Variants in GOLGA4 observed in about 807,000 individuals in gnomAD.
GOLGA4 encodes golgin A4.
GOLGA4 carries 169 observed loss-of-function variants against 265.9 expected under a neutral mutation model. The observed-to-expected ratio is 0.64, with a 90% CI of 0.56 to 0.72. The LOEUF is 0.72. Among genes scored for constraint, GOLGA4 ranks in the 30% least tolerant of loss-of-function variants. The probability of loss-of-function intolerance (pLI) is 0.00; values close to 1 mark genes in which losing one functional copy is unlikely to be tolerated. For missense variants in GOLGA4, 2,482 were observed against 2,483.4 expected, an observed-to-expected ratio of 1.00 and a Z score of 0.01; for synonymous variants, 923 against 855.8, an observed-to-expected ratio of 1.08 and a Z score of -1.37.
chr3:37,266,287 C>T (rs946417112), intron 2 of GOLGA4, among the ~76,000 whole-genome samples: 7 of 152,072 alleles, frequency 4.6e-5, no homozygotes, highest in Non-Finnish European at 1.0e-4. Flanking sequence ...GCAACCTCCG[C>T]CTCCCAGGTT....
At chr3:37,291,272 GT>G (rs552675722) in intron 5 of GOLGA4, among the ~76,000 whole-genome samples, 1 of 150,802 alleles carries the variant, frequency 6.6e-6, no homozygotes, top group African/African-American at 2.4e-5. Context: ...AGGAATACCT[GT>G]TTTTTTTTCC....
chr3:37,357,682 T>G (rs12715296), intron 22 of GOLGA4, among the ~76,000 whole-genome samples: 65,984 of 151,984 alleles, frequency 0.43, 14,984 homozygotes, highest in African/African-American at 0.5. Flanking sequence ...GTCAGAGATT[T>G]CCATCATTCA....
In GOLGA4 at chr3:37,282,099, C is replaced by G; in HGVS notation, c.304C>G (p.Leu102Val). Residue 102 changes from leucine (L) to valine (V), a missense_variant, in exon 3 of 24, where the codon CTG becomes GTG. Transcript: ENST00000361924. ...SLVRTSSRESLNRLDLDSSTA... is the reference protein window; with the variant it reads ...SLVRTSSRESVNRLDLDSSTA... ...GGTACGAACATCTTCCAGAGAATCC[C>G]TGAATCGACTTGACCTGGACAGTTC... is the stretch of plus-strand genomic sequence containing the variant. The G allele has an allele frequency of 6.2e-7, 1 of 1,614,178 alleles. No homozygotes were observed. Among genetic ancestry groups the G allele is most frequent in the Non-Finnish European group, 8.5e-7 (1 of 1,180,012 alleles).
At chr3:37,336,576 C>G (rs973914123) in intron 17 of GOLGA4, among the ~76,000 whole-genome samples, 1 of 148,900 alleles carries the variant, frequency 6.7e-6, no homozygotes, top group Admixed American at 6.7e-5. Flanking sequence ...GCCTGACCAA[C>G]ATGGAGAAAC....
intron 10 of GOLGA4, among the ~76,000 whole-genome samples, chr3:37,306,028 T>C (rs34123230): frequency 1.3e-5 from 2 of 152,244 alleles, no homozygotes; most frequent in African/African-American, 4.8e-5. Context: ...AGAATGATTG[T>C]TTATTTTCTT....
chr3:37,322,246 A>C (rs956008006), intron 13 of GOLGA4, among the ~76,000 whole-genome samples: 1 of 152,110 alleles, frequency 6.6e-6, no homozygotes, highest in Non-Finnish European at 1.5e-5. Context: ...GGTTTATCTT[A>C]TGCCATGTCC....
rs372018932 is a variant in GOLGA4, at chr3:37,289,288, A to G, written c.579A>G (p.Arg193=). 5 of 1,560,202 alleles carry G rather than the reference A, an allele frequency of 3.2e-6. No individual in the cohort carries two copies. In the South Asian group the frequency reaches 5.6e-5, roughly 18 times the overall value. ...CACTTCGGAGAATAGCAGAATTAAG[A>G]GAGGTAAGTTTCAGTGATGAGTACT... ...DKSLRRIAEL[R]EELQMDQQAK... Residue 193 remains arginine (R), a synonymous_variant, in exon 5 of 24, where the codon AGA becomes AGG. Coordinates refer to ENST00000361924, the MANE Select transcript of GOLGA4 (RefSeq NM_002078.5).
chr3:37,255,871 G>A (rs1368011517), intron 2 of GOLGA4, among the ~76,000 whole-genome samples: 2 of 151,840 alleles, frequency 1.3e-5, no homozygotes, highest in South Asian at 4.2e-4. Context: ...ATCCACCTTG[G>A]CCTCGTAAAG....
chr3:37,326,913 A>G lies in GOLGA4; in HGVS notation c.5027A>G (p.Glu1676Gly). 1 of 1,613,856 alleles carries G rather than the reference A, an allele frequency of 6.2e-7. No homozygotes were observed. Among genetic ancestry groups the G allele is most frequent in the Non-Finnish European group, 8.5e-7 (1 of 1,179,760 alleles). ...AAAGGTACAGAAAGCCATTTGAGTG[A>G]GCTAAATACAAAATTGCAGGAAAGA... ...YKKGTESHLS[E>G]LNTKLQERER... Residue 1676 changes from glutamate to glycine, a missense_variant, in exon 14 of 24, where the codon GAG (glutamate) becomes GGG (glycine). Glu to Gly is a moderately conservative substitution (Grantham distance 98). This residue lies in a region of GOLGA4 where 942 missense variants were observed against 983.1 expected (regional missense o/e 0.96). Transcript: ENST00000361924.
intron 3 of GOLGA4, among the ~76,000 whole-genome samples, chr3:37,285,622 A>G (rs77481778): frequency 0.038 from 5,847 of 152,258 alleles, 142 homozygotes; most frequent in African/African-American, 0.056. Flanking sequence ...CAAGTCTCAA[A>G]TTCAGTTAGA....
chr3:37,366,370 C>T lies in GOLGA4; in HGVS notation c.*324C>T, dbSNP rs1279106690. Reference sequence around the variant, plus strand: ...CTGCTTTATGGGCTTACATAATATTCCTTTCATCCATTCTTTTTAAAGAAC... The same window carrying T: ...CTGCTTTATGGGCTTACATAATATTTCTTTCATCCATTCTTTTTAAAGAAC... On this transcript the variant is annotated 3_prime_UTR_variant, in exon 24 of 24. Coordinates refer to ENST00000361924, the MANE Select transcript of GOLGA4 (RefSeq NM_002078.5). 1.9e-5 allele frequency: 7 copies of T among 371,672 alleles called. No individual in the cohort carries two copies. The highest frequency in any genetic ancestry group is 2.9e-5 in the Non-Finnish European group (6 of 209,886). 23.0% of individuals were successfully genotyped at this position (371,672 alleles called of 1,614,324 possible). A position where few individuals can be genotyped will look rare whatever the true frequency, so the allele number is the denominator to read the frequency against.
intron 23 of GOLGA4, among the ~76,000 whole-genome samples, chr3:37,361,728 G>A (rs1696287484): frequency 6.6e-6 from 1 of 152,136 alleles, no homozygotes; most frequent in African/African-American, 2.4e-5. Context: ...ATCCTGTAAA[G>A]CCTGAGTCAA....
At chr3:37,347,898 A>G (rs2097061025) in intron 21 of GOLGA4, among the ~76,000 whole-genome samples, 1 of 152,178 alleles carries the variant, frequency 6.6e-6, no homozygotes, top group Non-Finnish European at 1.5e-5. Flanking sequence ...AAAGAGCCTT[A>G]TTGGACATTT....
chr3:37,330,082 T>A (rs578118247), intron 16 of GOLGA4, among the ~76,000 whole-genome samples: 1 of 152,104 alleles, frequency 6.6e-6, no homozygotes, highest in Non-Finnish European at 1.5e-5. Flanking sequence ...TTAAATAATT[T>A]CACATTTTCT....
At chr3:37,253,747 G>A (rs970240048) in intron 2 of GOLGA4, among the ~76,000 whole-genome samples, 2 of 152,014 alleles carry the variant, frequency 1.3e-5, no homozygotes, top group African/African-American at 4.8e-5. Flanking sequence ...AGTCAGCCGG[G>A]CATGGTGGCT....
chr3:37,284,664 CTTT>C (rs75537927), intron 3 of GOLGA4, among the ~76,000 whole-genome samples: 7 of 133,494 alleles, frequency 5.2e-5, no homozygotes, highest in Admixed American at 7.5e-5. Flanking sequence ...TCCATTGCTG[CTTT>C]TTTTTTTTTT....
chr3:37,264,688 A>G lies in GOLGA4; in HGVS notation c.162+13204A>G, dbSNP rs143026718. 9.7e-3 allele frequency among the ~76,000 whole-genome samples: 1,479 copies of G among 152,162 alleles called. 91 individuals are homozygous for G. Among genetic ancestry groups the G allele is most frequent in the Admixed American group, 0.091 (1,384 of 15,270 alleles). On this transcript the variant is annotated intron_variant, in intron 2 of 23. Coordinates refer to ENST00000361924, the MANE Select transcript of GOLGA4 (RefSeq NM_002078.5). The stretch of plus-strand genomic sequence containing the variant: ...GTAATTTATCACCATGTTAGATAAT[A>G]TATTAACTGCTAAATTCATGTTTCA...
At chr3:37,306,824 ATTGT>A (rs992349134) in intron 10 of GOLGA4, among the ~76,000 whole-genome samples, 2 of 151,772 alleles carry the variant, frequency 1.3e-5, no homozygotes, top group African/African-American at 2.4e-5. Context: ...TCATTTCCTT[ATTGT>A]TTATCATCTA....
chr3:37,339,686 TTAGAGC>T, intron 19 of GOLGA4, among the ~76,000 whole-genome samples: 1 of 152,262 alleles, frequency 6.6e-6, no homozygotes, highest in East Asian at 1.9e-4. Flanking sequence ...TATGTCTTCT[TTAGAGC>T]AATGTCTACT....
Sources: gnomAD v4.1 joint callset for allele counts (sites outside exome capture counted in the v4.1 genomes callset) on GRCh38, gnomAD v4.1.1 for gene constraint, gnomAD v4.1.1 regional missense constraint, MANE v1.5 for transcripts, NCBI Gene and HGNC (gene_info 2026-07-23, HGNC 2026-07-21) for gene names.